The following ANTXR2 variants were observed in gnomAD, a reference collection of about 807,000 sequenced individuals.
ANTXR2 encodes the protein anthrax toxin receptor 2.
In ANTXR2, 44 loss-of-function variants were observed where a neutral mutation model predicts 73.7. The observed-to-expected ratio is 0.60, with a 90% CI of 0.47 to 0.77. The LOEUF (loss-of-function observed/expected upper bound fraction) is 0.77. ANTXR2 is among the 30% of genes least tolerant of loss of function. ANTXR2 has a pLI of 0.00. For missense variants in ANTXR2, 604 were observed against 592.5 expected, an observed-to-expected ratio of 1.02 and a Z score of -0.20; for synonymous variants, 217 against 205.9, an observed-to-expected ratio of 1.05 and a Z score of -0.46.
At chr4:79,930,193 G>GA (rs1208645990) in intron 16 of ANTXR2, among the ~76,000 whole-genome samples, 5 of 151,770 alleles carry the variant, frequency 3.3e-5, no homozygotes, top group Non-Finnish European at 5.9e-5. Context: ...AATGAAAACA[G>GA]AAAAAAGCCT....
chr4:80,041,328 C>T (rs564803676), intron 7 of ANTXR2, among the ~76,000 whole-genome samples: 24 of 152,142 alleles, frequency 1.6e-4, no homozygotes, highest in African/African-American at 5.3e-4. Context: ...ATGTATCTGC[C>T]TGTTTTGTCT....
chr4:79,992,620 TAAAAC>T (rs1578137475), intron 12 of ANTXR2, among the ~76,000 whole-genome samples: 2 of 152,002 alleles, frequency 1.3e-5, no homozygotes, highest in East Asian at 3.9e-4. Context: ...AAAATAATAA[TAAAAC>T]AAAATAAAGT....
chr4:79,927,300 A>ACACACACACACACACC (rs1375517190), intron 16 of ANTXR2, among the ~76,000 whole-genome samples: 1 of 151,814 alleles, frequency 6.6e-6, no homozygotes, highest in Non-Finnish European at 1.5e-5. Flanking sequence ...CTTACCACAC[A>ACACACACACACACACC]CACACACACA....
chr4:80,011,281 AT>A (rs1731564609), intron 11 of ANTXR2, among the ~76,000 whole-genome samples: 1 of 70,866 alleles, frequency 1.4e-5, no homozygotes, highest in South Asian at 4.6e-4. Flanking sequence ...CTATCTATCT[AT>A]CTATCTATCT....
In ANTXR2 at chr4:79,954,052, A is replaced by G. The variant is rs77488391; in HGVS notation, c.1428+23569T>C. 8.1e-3 allele frequency among the ~76,000 whole-genome samples: 1,241 copies of G among 152,328 alleles called. 18 individuals carry two copies. Among genetic ancestry groups the G allele is most frequent in the African/African-American group, 0.029 (1,202 of 41,580 alleles). On this transcript the variant is annotated intron_variant, in intron 16 of 16. Transcript: ENST00000403729. ...CTGGAAAACTGACCAATAAATTCTG[A>G]AACATAAAGCAGAATTTACACGAAC...
rs1407600877 is a variant in ANTXR2, at chr4:80,041,173, C to T, written c.637-5141G>A. On this transcript the variant is annotated intron_variant, in intron 7 of 16. Transcript: ENST00000403729. ...GCTTAGAAAGATTTTTTTAACTGCCCTAGAAGAATTAGCTCTTAACTAGGT... is the reference window on the plus strand; with the variant it reads ...GCTTAGAAAGATTTTTTTAACTGCCTTAGAAGAATTAGCTCTTAACTAGGT... 4.6e-5 allele frequency among the ~76,000 whole-genome samples: 7 copies of T among 151,958 alleles called. No homozygotes were observed. In the East Asian group the frequency reaches 1.2e-3, roughly 25 times the overall value.
intron 16 of ANTXR2, among the ~76,000 whole-genome samples, chr4:79,908,439 A>G (rs1040638466): frequency 2.7e-4 from 41 of 152,200 alleles, no homozygotes; most frequent in Non-Finnish European, 4.3e-4. Context: ...ACATTGTTGA[A>G]GAAGAATGGT....
In ANTXR2 at chr4:80,008,577, G is replaced by GT. The variant is rs765060155; in HGVS notation, c.984dup (p.Leu329ThrfsTer22). ...ATCAAACCGATCCCCAGGAGTAGCA[G>GT]TAACACCAAAATAACAATGATGGCT... On this transcript the variant is annotated frameshift_variant, in exon 12 of 17. Coordinates refer to ENST00000403729, the MANE Select transcript of ANTXR2 (RefSeq NM_058172.6). LOFTEE classifies it high-confidence loss of function. 6.2e-7 allele frequency: 1 copy of GT among 1,606,454 alleles called. No individual in the cohort carries two copies. The highest frequency in any genetic ancestry group is 8.5e-7 in the Non-Finnish European group (1 of 1,177,260).
Position 79,901,184 on chromosome 4 carries a change from GATA to G in ANTXR2, c.*6242_*6244del, listed in dbSNP as rs1422469146. ...AGAACTAAAAAGAACACTTTATTGTGATAATAATAATGGCTTCATTTCACATCA... is the reference window on the plus strand; with the variant it reads ...AGAACTAAAAAGAACACTTTATTGTGATAATAATGGCTTCATTTCACATCA... On this transcript the variant is annotated 3_prime_UTR_variant, in exon 17 of 17. Transcript: ENST00000403729. The G allele has an allele frequency of 2.6e-5, 4 of 152,018 alleles. No individual in the cohort carries two copies. The highest frequency in any genetic ancestry group is 6.6e-5 in the Admixed American group (1 of 15,250). The allele number at this position is 152,018 out of a possible 1,614,324, so 9.4% of individuals were successfully genotyped here.
chr4:79,979,690 G>A (rs1361787680), intron 14 of ANTXR2, among the ~76,000 whole-genome samples: 1 of 152,160 alleles, frequency 6.6e-6, no homozygotes, highest in African/African-American at 2.4e-5. Flanking sequence ...TTTAGAGCTA[G>A]ATAGTTGGCT....
rs1242423147 is a variant in ANTXR2 at position 79,931,589 on chromosome 4, A to C, written c.1429-24122T>G. 2.0e-5 allele frequency among the ~76,000 whole-genome samples: 3 copies of C among 152,218 alleles called. No individual in the cohort carries two copies. In the East Asian group the frequency reaches 5.8e-4, roughly 29 times the overall value. Reference sequence around the variant, plus strand: ...CAGCAGGCACAGATGGCACTAATGCATAAATGTAATCTAGTAAAAGAATGC... The same window carrying C: ...CAGCAGGCACAGATGGCACTAATGCCTAAATGTAATCTAGTAAAAGAATGC... On this transcript the variant is annotated intron_variant, in intron 16 of 16. Coordinates refer to ENST00000403729, the MANE Select transcript of ANTXR2 (RefSeq NM_058172.6).
chr4:80,062,118 A>G (rs897316472), intron 3 of ANTXR2, among the ~76,000 whole-genome samples: 4 of 152,228 alleles, frequency 2.6e-5, no homozygotes, highest in African/African-American at 7.2e-5. Flanking sequence ...TGTTTATTTA[A>G]CATGTCATTC....
chr4:79,983,476 G>A (rs963239752), intron 14 of ANTXR2, among the ~76,000 whole-genome samples: 2 of 152,010 alleles, frequency 1.3e-5, no homozygotes, highest in Non-Finnish European at 2.9e-5. Flanking sequence ...TCAGATCCAC[G>A]CTATTGAATA....
chr4:80,020,301 G>C lies in ANTXR2; in HGVS notation c.867-1325C>G, dbSNP rs28721541. Among the ~76,000 whole-genome samples, 11 of 151,948 alleles carry C rather than the reference G, an allele frequency of 7.2e-5. No homozygotes were observed. The South Asian group carries it at 2.3e-3, about 32-fold the overall frequency. ...TTCAGGAGGCTGTGGCAGGAGGATC[G>C]CTTGAGCCTGGGAGGTTGAGGCTGC... On this transcript the variant is annotated intron_variant, in intron 10 of 16. Transcript: ENST00000403729.
chr4:79,997,094 A>G (rs1196465826), intron 12 of ANTXR2, among the ~76,000 whole-genome samples: 1 of 151,942 alleles, frequency 6.6e-6, no homozygotes, highest in East Asian at 1.9e-4. Flanking sequence ...GCTTCAGGCA[A>G]CAGTCCTTTT....
intron 13 of ANTXR2, among the ~76,000 whole-genome samples, chr4:79,984,340 G>A (rs867016367): frequency 6.6e-6 from 1 of 152,156 alleles, no homozygotes; most frequent in South Asian, 2.1e-4. Flanking sequence ...GTGTGTGTAG[G>A]TTTGGACTCT....
At chr4:79,913,092 A>T (rs562133813) in intron 16 of ANTXR2, among the ~76,000 whole-genome samples, 1 of 152,310 alleles carries the variant, frequency 6.6e-6, no homozygotes, top group Non-Finnish European at 1.5e-5. Context: ...TATGTTTTTA[A>T]AAGTCAGCCC....
intron 12 of ANTXR2, among the ~76,000 whole-genome samples, chr4:79,998,744 A>G (rs72869244): frequency 0.093 from 14,093 of 152,040 alleles, 2,131 homozygotes; most frequent in African/African-American, 0.32. Flanking sequence ...AGGATACTCA[A>G]TGAACAGGAT....
chr4:80,061,403 T>C (rs1364335728), intron 3 of ANTXR2, among the ~76,000 whole-genome samples: 2 of 152,004 alleles, frequency 1.3e-5, no homozygotes, highest in Admixed American at 6.6e-5. Context: ...ATTTATATAA[T>C]TGCAGGAATA....
Sources: gnomAD v4.1 joint callset for allele counts (sites outside exome capture counted in the v4.1 genomes callset) on GRCh38, gnomAD v4.1.1 for gene constraint, MANE v1.5 for transcripts, NCBI Gene and HGNC (gene_info 2026-07-23, HGNC 2026-07-21) for gene names.